The following IKZF1 variants were observed in gnomAD, a reference collection of about 807,000 sequenced individuals.
The protein encoded by IKZF1 is IKAROS family zinc finger 1, also known as DNA-binding protein Ikaros.
IKZF1 carries 10 observed loss-of-function variants against 51.7 expected under a neutral mutation model. The observed-to-expected ratio is 0.19, with a 90% CI of 0.12 to 0.33. IKZF1 has a LOEUF of 0.33. Ranked by LOEUF, IKZF1 falls within the 10% of genes least tolerant of loss-of-function variation. The pLI, the probability that IKZF1 is intolerant of heterozygous loss-of-function variation, is 1.00. For synonymous variants in IKZF1, 280 were observed against 282.3 expected (o/e 0.99, Z 0.08); for missense variants, 484 against 707.5 (o/e 0.68, Z 3.58).
intron 1 of IKZF1, among the ~76,000 whole-genome samples, chr7:50,309,976 T>C (rs1004166330): frequency 6.6e-5 from 10 of 152,214 alleles, no homozygotes; most frequent in African/African-American, 1.9e-4. Context: ...CCGGAAAAAG[T>C]GACCTTTTCC....
chr7:50,385,428 C>T (rs1319719531), intron 5 of IKZF1, among the ~76,000 whole-genome samples: 1 of 152,144 alleles, frequency 6.6e-6, no homozygotes, highest in Non-Finnish European at 1.5e-5. Flanking sequence ...AGCATGTTAG[C>T]AGGGATAGAG....
At chr7:50,319,342 G>A (rs1356136019) in intron 2 of IKZF1, among the ~76,000 whole-genome samples, 5 of 152,118 alleles carry the variant, frequency 3.3e-5, no homozygotes, top group Non-Finnish European at 5.9e-5. Flanking sequence ...AAAAAAACGG[G>A]AAGAGTTAAA....
chr7:50,330,038 G>A (rs1394694719), intron 3 of IKZF1, among the ~76,000 whole-genome samples: 1 of 152,188 alleles, frequency 6.6e-6, no homozygotes, highest in Non-Finnish European at 1.5e-5. Flanking sequence ...AGATCACCCA[G>A]TATCTGGTTG....
chr7:50,341,976 G>GAA (rs1303120762), intron 3 of IKZF1, among the ~76,000 whole-genome samples: 2,545 of 141,996 alleles, frequency 0.018, 27 homozygotes, highest in African/African-American at 0.028. Context: ...TTATATTGTG[G>GAA]AAAAAAAAAA....
chr7:50,369,942 T>C (rs1184250165), intron 3 of IKZF1, among the ~76,000 whole-genome samples: 1 of 152,218 alleles, frequency 6.6e-6, no homozygotes, highest in African/African-American at 2.4e-5. Context: ...AATAAATGGT[T>C]CCATGAACTT....
Position 50,403,145 on chromosome 7 carries a change from G to A in IKZF1, c.*2518G>A. On this transcript the variant is annotated 3_prime_UTR_variant, in exon 8 of 8. Transcript: ENST00000331340. The stretch of plus-strand genomic sequence containing the variant: ...TTATAGCCAATATAAATGTCTCTTT[G>A]CACACCTTTTGTTGTGGTTTTATAT... The A allele has an allele frequency of 4.5e-6, 1 of 220,102 alleles. No individual in the cohort carries two copies. The highest frequency in any genetic ancestry group is 9.1e-6 in the Non-Finnish European group (1 of 109,932). 13.6% of individuals were successfully genotyped at this position (220,102 alleles called of 1,614,324 possible).
chr7:50,382,568 C>T lies in IKZF1; in HGVS notation c.450C>T (p.Cys150=), dbSNP rs772322516. Residue 150 remains cysteine (C), a synonymous_variant, in exon 5 of 8, where the codon TGC becomes TGT. Coordinates refer to ENST00000331340, the MANE Select transcript of IKZF1 (RefSeq NM_006060.6). The part of the protein sequence containing the change: ...TGERPFQCNQ[C]GASFTQKGNL... ...AACGGCCCTTCCAGTGCAATCAGTG[C>T]GGGGCCTCATTCACCCAGAAGGGCA... 7.6e-5 allele frequency: 123 copies of T among 1,613,680 alleles called. No individual in the cohort carries two copies. Among genetic ancestry groups the T allele is most frequent in the Non-Finnish European group, 9.2e-5 (109 of 1,179,854 alleles).
intron 1 of IKZF1, among the ~76,000 whole-genome samples, chr7:50,313,096 G>T (rs1052386186): frequency 2.0e-5 from 3 of 152,194 alleles, no homozygotes; most frequent in African/African-American, 7.2e-5. Context: ...CAAAGACTTT[G>T]CACATTGCCT....
chr7:50,369,182 A>G (rs1807907849), intron 3 of IKZF1: 2 of 263,708 alleles, frequency 7.6e-6, no homozygotes, highest in Admixed American at 1.1e-4. Context: ...ATATGAACAT[A>G]TAAAACATTA....
chr7:50,315,196 G>A (rs536641205), intron 1 of IKZF1, among the ~76,000 whole-genome samples: 1 of 152,356 alleles, frequency 6.6e-6, no homozygotes, highest in East Asian at 1.9e-4. Context: ...GGAGAGAAAG[G>A]AGAAGGACAG....
rs1033038414 is a variant in IKZF1 at position 50,399,945 on chromosome 7, A to G, written c.878A>G (p.Tyr293Cys). The stretch of plus-strand genomic sequence containing the variant: ...GACAAGGGCCTGTCCGACACGCCCT[A>G]CGACAGCAGCGCCAGCTACGAGAAG... ...LGDKGLSDTP[Y>C]DSSASYEKEN... Residue 293 changes from tyrosine (Y) to cysteine (C), a missense_variant, in exon 8 of 8, where the codon TAC (tyrosine) becomes TGC (cysteine). Tyr to Cys is a radical substitution (Grantham distance 194, BLOSUM62 -2). Around this residue, in one of 6 missense-constraint regions of IKZF1, gnomAD observed 172 missense variants for 192.7 expected, o/e 0.89. Coordinates refer to ENST00000331340, the MANE Select transcript of IKZF1 (RefSeq NM_006060.6). 2.5e-6 allele frequency: 4 copies of G among 1,613,260 alleles called. No individual in the cohort carries two copies. Among genetic ancestry groups the G allele is most frequent in the Non-Finnish European group, 2.5e-6 (3 of 1,179,746 alleles).
intron 3 of IKZF1, chr7:50,369,359 C>G (rs936798968): frequency 1.3e-5 from 5 of 394,320 alleles, no homozygotes; most frequent in Middle Eastern, 6.3e-4. Context: ...TTCAGTGAAG[C>G]CTTCAGTCTG....
intron 3 of IKZF1, among the ~76,000 whole-genome samples, chr7:50,354,663 GTCT>G (rs1802775037): frequency 6.6e-6 from 1 of 152,084 alleles, no homozygotes; most frequent in Non-Finnish European, 1.5e-5. Context: ...GGAGTCACGG[GTCT>G]TCCATTACCC....
chr7:50,371,406 A>G (rs963907739), intron 3 of IKZF1, among the ~76,000 whole-genome samples: 16 of 152,256 alleles, frequency 1.1e-4, no homozygotes, highest in African/African-American at 3.9e-4. Context: ...GTTCACTGCC[A>G]TCAACAGGCC....
intron 1 of IKZF1, among the ~76,000 whole-genome samples, chr7:50,310,226 G>T (rs1232308638): frequency 5.9e-5 from 9 of 152,112 alleles, no homozygotes; most frequent in African/African-American, 1.9e-4. Context: ...GTGTATGTTT[G>T]CTTGAATTTA....
chr7:50,314,206 G>A (rs937662363), intron 1 of IKZF1, among the ~76,000 whole-genome samples: 16 of 152,164 alleles, frequency 1.1e-4, no homozygotes, highest in African/African-American at 3.9e-4. Context: ...CACCTTCCGG[G>A]TTCATGCCAT....
intron 7 of IKZF1, among the ~76,000 whole-genome samples, chr7:50,392,176 G>A (rs545842945): frequency 1.1e-4 from 17 of 152,314 alleles, no homozygotes; most frequent in South Asian, 2.1e-4. Flanking sequence ...GGCCTGGCTC[G>A]TCCGGGGGAC....
intron 3 of IKZF1, among the ~76,000 whole-genome samples, chr7:50,359,626 T>C (rs946236852): frequency 2.6e-5 from 4 of 152,262 alleles, no homozygotes; most frequent in Admixed American, 2.6e-4. Context: ...TCTCTGTGTG[T>C]CATTTGCACA....
intron 3 of IKZF1, among the ~76,000 whole-genome samples, chr7:50,356,014 C>T (rs1289449692): frequency 6.6e-6 from 1 of 152,228 alleles, no homozygotes; most frequent in Non-Finnish European, 1.5e-5. Context: ...GAAAATGCCA[C>T]AGATGGGTTA....
Sources: gnomAD v4.1 joint callset for allele counts (sites outside exome capture counted in the v4.1 genomes callset) on GRCh38, gnomAD v4.1.1 for gene constraint, gnomAD v4.1.1 regional missense constraint, MANE v1.5 for transcripts, NCBI Gene and HGNC (gene_info 2026-07-23, HGNC 2026-07-21) for gene names.